PLD5: variants seen among roughly 807,000 people sequenced by gnomAD.
PLD5 encodes the protein phospholipase D family member 5.
In PLD5, 36 loss-of-function variants were observed where a neutral mutation model predicts 61.1. That is an observed-to-expected ratio of 0.59 (90% confidence interval 0.45 to 0.78). PLD5 has a LOEUF of 0.78. PLD5 is among the 30% of genes least tolerant of loss of function. The pLI, the probability that PLD5 is intolerant of heterozygous loss-of-function variation, is 0.00. For synonymous variants in PLD5, 243 were observed against 242.8 expected (o/e 1.00, Z -0.01); for missense variants, 515 against 644.4 (o/e 0.80, Z 2.17).
At chr1:242,273,941 G>A (rs895625947) in intron 3 of PLD5, among the ~76,000 whole-genome samples, 2 of 152,260 alleles carry the variant, frequency 1.3e-5, no homozygotes, top group Admixed American at 1.3e-4. Context: ...GCCACTGGAG[G>A]GAGCATCACC....
chr1:242,300,986 C>T (rs992424667), intron 2 of PLD5, among the ~76,000 whole-genome samples: 9 of 152,184 alleles, frequency 5.9e-5, no homozygotes, highest in African/African-American at 1.7e-4. Context: ...TGTGATGTCA[C>T]GCGAGCTTGC....
chr1:242,151,253 T>C (rs1203495730), intron 5 of PLD5, among the ~76,000 whole-genome samples: 1 of 151,986 alleles, frequency 6.6e-6, no homozygotes, highest in Non-Finnish European at 1.5e-5. Flanking sequence ...TGCTCTTCAT[T>C]TTAACATTCA....
intron 5 of PLD5, among the ~76,000 whole-genome samples, chr1:242,199,118 CCT>C (rs1273908246): frequency 1.3e-5 from 2 of 151,944 alleles, no homozygotes; most frequent in Non-Finnish European, 2.9e-5. Flanking sequence ...ATTAATTTTC[CCT>C]GTTTCTTTTT....
chr1:242,370,053 C>A (rs535833307), intron 1 of PLD5, among the ~76,000 whole-genome samples: 2 of 152,202 alleles, frequency 1.3e-5, no homozygotes, highest in East Asian at 3.9e-4. Flanking sequence ...GTATTAGTTT[C>A]TTTGCCAATG....
At chr1:242,368,873 C>T (rs759719439) in intron 1 of PLD5, among the ~76,000 whole-genome samples, 37 of 152,256 alleles carry the variant, frequency 2.4e-4, no homozygotes, top group Non-Finnish European at 4.3e-4. Context: ...TCTTGGGTTG[C>T]TTTTTGTTAG....
chr1:242,126,258 AT>A (rs1371184607), intron 5 of PLD5, among the ~76,000 whole-genome samples: 1 of 152,234 alleles, frequency 6.6e-6, no homozygotes, highest in Non-Finnish European at 1.5e-5. Flanking sequence ...TACAAATTCA[AT>A]GCAATTCCCA....
At chr1:242,292,092 C>T (rs1220676431) in intron 2 of PLD5, among the ~76,000 whole-genome samples, 5 of 151,982 alleles carry the variant, frequency 3.3e-5, no homozygotes, top group African/African-American at 4.8e-5. Flanking sequence ...TACCTCGAGG[C>T]CTTCGAAGGC....
intron 1 of PLD5, among the ~76,000 whole-genome samples, chr1:242,515,299 A>G (rs2810000): frequency 0.38 from 57,142 of 151,780 alleles, 10,952 homozygotes; most frequent in African/African-American, 0.4. Flanking sequence ...TGCAACCTCC[A>G]CCTCCCAGAT....
In PLD5 at chr1:242,404,875, A is replaced by ATTT. The variant is rs11361107; in HGVS notation, c.190-56636_190-56634dup. Among the ~76,000 whole-genome samples the ATTT allele has an allele frequency of 2.4e-3, 182 of 75,372 alleles. 7 individuals carry two copies. The highest frequency in any genetic ancestry group is 3.0e-3 in the African/African-American group (49 of 16,354). 49.4% of individuals were successfully genotyped at this position (75,372 alleles called of 152,430 possible). A position where few individuals can be genotyped will look rare whatever the true frequency, so the allele number is the denominator to read the frequency against. On this transcript the variant is annotated intron_variant, in intron 1 of 9. Transcript: ENST00000536534. ...CATGCCTCTTATCTGTTCCCTGCTA[A>ATTT]TTTTTTTTTTTTTTTTTTTTTTGAG...
chr1:242,145,750 G>A (rs866217428), intron 5 of PLD5, among the ~76,000 whole-genome samples: 1 of 152,186 alleles, frequency 6.6e-6, no homozygotes, highest in African/African-American at 2.4e-5. Context: ...TTGTGTCACT[G>A]CAACCTCCGC....
chr1:242,514,248 C>T (rs1242723635), intron 1 of PLD5, among the ~76,000 whole-genome samples: 1 of 152,212 alleles, frequency 6.6e-6, no homozygotes, highest in Non-Finnish European at 1.5e-5. Context: ...TGTTAAGTCA[C>T]TGCTCTCCCA....
At position 242,083,652 on chromosome 1, in the gene PLD5, G is replaced by A. The variant is rs572486071; in HGVS notation, c.*6202C>T. 1 of 152,136 alleles carries A rather than the reference G, an allele frequency of 6.6e-6. No individual in the cohort carries two copies. Among genetic ancestry groups the A allele is most frequent in the South Asian group, 2.1e-4 (1 of 4,800 alleles). 9.4% of individuals were successfully genotyped at this position (152,136 alleles called of 1,614,324 possible). Reference sequence around the variant, plus strand: ...GCCTTCTTGTTATTACATTTTCTAGGATGTTGCCTTTAATAACTCACCCCT... The same window carrying A: ...GCCTTCTTGTTATTACATTTTCTAGAATGTTGCCTTTAATAACTCACCCCT... On this transcript the variant is annotated 3_prime_UTR_variant, in exon 10 of 10. Coordinates refer to ENST00000536534, the MANE Select transcript of PLD5 (RefSeq NM_001372062.1).
At chr1:242,425,846 T>C (rs1441246898) in intron 1 of PLD5, among the ~76,000 whole-genome samples, 2 of 152,060 alleles carry the variant, frequency 1.3e-5, no homozygotes, top group African/African-American at 4.8e-5. Flanking sequence ...GGTTTCATCC[T>C]GTTGGACAGG....
intron 5 of PLD5, chr1:242,192,105 G>C (rs896989146): frequency 1.3e-5 from 2 of 152,206 alleles, no homozygotes; most frequent in Non-Finnish European, 2.9e-5. Flanking sequence ...TGAGCTTCAA[G>C]CCTGTGTATA....
intron 4 of PLD5, among the ~76,000 whole-genome samples, chr1:242,231,813 T>C (rs1671319609): frequency 6.6e-6 from 1 of 151,854 alleles, no homozygotes; most frequent in African/African-American, 2.4e-5. Context: ...AATTTACTTA[T>C]AAGACAGAGT....
chr1:242,477,607 G>A (rs1667639185), intron 1 of PLD5, among the ~76,000 whole-genome samples: 1 of 152,188 alleles, frequency 6.6e-6, no homozygotes, highest in Non-Finnish European at 1.5e-5. Flanking sequence ...AATGCAAGGG[G>A]CTTGGCAGCG....
At chr1:242,240,996 A>T (rs552863750) in intron 4 of PLD5, among the ~76,000 whole-genome samples, 19 of 152,346 alleles carry the variant, frequency 1.2e-4, no homozygotes, top group Non-Finnish European at 2.4e-4. Flanking sequence ...AGAAATTTAG[A>T]TAAACATGAT....
At chr1:242,503,414 AG>A (rs1007431211) in intron 1 of PLD5, among the ~76,000 whole-genome samples, 73 of 152,346 alleles carry the variant, frequency 4.8e-4, no homozygotes, top group African/African-American at 1.7e-3. Context: ...AGCAGATGCC[AG>A]TGCCATGTTT....
At chr1:242,441,328 T>A (rs192985644) in intron 1 of PLD5, among the ~76,000 whole-genome samples, 169 of 152,186 alleles carry the variant, frequency 1.1e-3, no homozygotes, top group African/African-American at 3.9e-3. Flanking sequence ...TTTTAGTAGG[T>A]GTGTGTGGTG....
Sources: allele counts gnomAD v4.1 joint callset (sites outside exome capture counted in the v4.1 genomes callset), GRCh38; gene constraint gnomAD v4.1.1; transcripts MANE v1.5; gene names NCBI Gene and HGNC (gene_info 2026-07-23, HGNC 2026-07-21).